Variants in CSMD3 observed in about 807,000 individuals in gnomAD.
CSMD3 encodes the protein CUB and sushi domain-containing protein 3.
Under a neutral mutation model 435.2 loss-of-function variants are expected in CSMD3, and 177 were observed. The observed-to-expected ratio is 0.41, with a 90% CI of 0.36 to 0.46. CSMD3 has a LOEUF of 0.46. Ranked by LOEUF, CSMD3 falls within the 20% of genes least tolerant of loss-of-function variation. The pLI, the probability that CSMD3 is intolerant of heterozygous loss-of-function variation, is 0.34. For synonymous variants in CSMD3, 1,656 were observed against 1,520.5 expected (o/e 1.09, Z -2.07); for missense variants, 4,265 against 4,504.6 (o/e 0.95, Z 1.52).
chr8:112,422,122 A>G (rs891148975), intron 32 of CSMD3, among the ~76,000 whole-genome samples: 2 of 152,156 alleles, frequency 1.3e-5, no homozygotes, highest in Non-Finnish European at 2.9e-5. Flanking sequence ...ATTAAAAACT[A>G]CTGAGAAAAC....
At chr8:113,330,170 A>G (rs2094016709) in intron 1 of CSMD3, among the ~76,000 whole-genome samples, 1 of 152,114 alleles carries the variant, frequency 6.6e-6, no homozygotes, top group South Asian at 2.1e-4. Context: ...AAATGCTACT[A>G]TAAAAATGAG....
chr8:112,650,426 A>G lies in CSMD3; in HGVS notation c.3005-77T>C, dbSNP rs553720737. ...TGCTGAAAATAATTCCTAGTTCTTC[A>G]AACAATTACAAGCAATGATTTTTAC... On this transcript the variant is annotated intron_variant, in intron 18 of 70. Coordinates refer to ENST00000297405, the MANE Select transcript of CSMD3 (RefSeq NM_198123.2). 67 of 1,106,802 alleles carry G rather than the reference A, an allele frequency of 6.1e-5. 3 individuals carry two copies. The South Asian group carries it at 8.0e-4, about 13-fold the overall frequency. 68.6% of individuals were successfully genotyped at this position (1,106,802 alleles called of 1,614,324 possible).
chr8:112,351,160 A>G lies in CSMD3; in HGVS notation c.6325+15T>C. The G allele has an allele frequency of 6.9e-7, 1 of 1,457,238 alleles. No individual in the cohort carries two copies. The highest frequency in any genetic ancestry group is 1.1e-5 in the South Asian group (1 of 87,794). 90.3% of individuals were successfully genotyped at this position (1,457,238 alleles called of 1,614,324 possible). A position where few individuals can be genotyped will look rare whatever the true frequency, so the allele number is the denominator to read the frequency against. On this transcript the variant is annotated intron_variant, in intron 40 of 70. Transcript: ENST00000297405. Reference sequence around the variant, plus strand: ...TTAAGTTCTAGGGTAAATACTTTATAGTCTTTTAACTTACCTAAACAAATT... The same window carrying G: ...TTAAGTTCTAGGGTAAATACTTTATGGTCTTTTAACTTACCTAAACAAATT...
At chr8:112,283,845 G>A (rs1283581944) in intron 58 of CSMD3, among the ~76,000 whole-genome samples, 1 of 151,728 alleles carries the variant, frequency 6.6e-6, no homozygotes, top group Non-Finnish European at 1.5e-5. Flanking sequence ...TAGGGTGACT[G>A]TAATTAACAA....
intron 22 of CSMD3, among the ~76,000 whole-genome samples, chr8:112,591,969 A>G (rs1444283679): frequency 2.0e-5 from 3 of 152,068 alleles, no homozygotes; most frequent in South Asian, 2.1e-4. Context: ...CCAATACACT[A>G]TAATAGTCAT....
intron 41 of CSMD3, among the ~76,000 whole-genome samples, chr8:112,343,558 T>A (rs1450982246): frequency 1.3e-5 from 2 of 152,188 alleles, no homozygotes; most frequent in Non-Finnish European, 2.9e-5. Flanking sequence ...TTTCTACTTG[T>A]TACCTTGTTT....
chr8:112,514,534 T>C (rs1823474943), intron 28 of CSMD3, among the ~76,000 whole-genome samples: 1 of 152,282 alleles, frequency 6.6e-6, no homozygotes, highest in African/African-American at 2.4e-5. Context: ...TTCAATTTTA[T>C]TTGTGTCTTC....
At chr8:112,845,895 A>T (rs1260140402) in intron 11 of CSMD3, among the ~76,000 whole-genome samples, 2 of 152,076 alleles carry the variant, frequency 1.3e-5, no homozygotes, top group East Asian at 3.9e-4. Context: ...AAATGTTTGA[A>T]TTATTAATAT....
chr8:112,644,960 C>T (rs911834493), intron 20 of CSMD3, 149 bp downstream of exon 20: 5 of 663,472 alleles, frequency 7.5e-6, no homozygotes, highest in African/African-American at 7.2e-5. Context: ...ATTTTTGTGG[C>T]AATTATTTAA....
intron 32 of CSMD3, among the ~76,000 whole-genome samples, chr8:112,460,249 T>C (rs1446503048): frequency 2.0e-5 from 3 of 152,070 alleles, no homozygotes; most frequent in Non-Finnish European, 4.4e-5. Context: ...AATAAATAAT[T>C]GAGCAAATTA....
intron 8 of CSMD3, among the ~76,000 whole-genome samples, chr8:112,951,806 T>C (rs2083822671): frequency 6.6e-6 from 1 of 151,656 alleles, no homozygotes; most frequent in South Asian, 2.1e-4. Context: ...CAATCATTTA[T>C]GGCAGGCTCA....
chr8:113,269,457 G>T lies in CSMD3; in HGVS notation c.514+9135C>A, dbSNP rs927476959. Among the ~76,000 whole-genome samples, 10 of 151,956 alleles carry T rather than the reference G, an allele frequency of 6.6e-5. 1 individual carries two copies. In the South Asian group the frequency reaches 1.9e-3, roughly 28 times the overall value. Reference sequence around the variant, plus strand: ...CTTTCTTCACAGAATTGGAAAAAACGACATTACAGTTCATATGGAACCAAA... The same window carrying T: ...CTTTCTTCACAGAATTGGAAAAAACTACATTACAGTTCATATGGAACCAAA... On this transcript the variant is annotated intron_variant, in intron 3 of 70. Transcript: ENST00000297405.
intron 9 of CSMD3, among the ~76,000 whole-genome samples, chr8:112,928,634 T>C (rs1392990283): frequency 6.6e-6 from 1 of 150,462 alleles, no homozygotes; most frequent in Non-Finnish European, 1.5e-5. Flanking sequence ...TTTTTATGGC[T>C]GCATAGTATT....
intron 4 of CSMD3, among the ~76,000 whole-genome samples, chr8:113,145,435 C>A (rs1471014582): frequency 6.6e-6 from 1 of 151,564 alleles, no homozygotes; most frequent in Non-Finnish European, 1.5e-5. Flanking sequence ...GGCCTATTTT[C>A]AACTGTCACA....
chr8:113,368,831 T>C (rs1439654908), intron 1 of CSMD3, among the ~76,000 whole-genome samples: 1 of 152,110 alleles, frequency 6.6e-6, no homozygotes, highest in Non-Finnish European at 1.5e-5. Flanking sequence ...ACTTTTATTA[T>C]CCCTTAATCT....
chr8:113,279,949 T>C (rs1053518991), intron 2 of CSMD3, among the ~76,000 whole-genome samples: 2 of 152,006 alleles, frequency 1.3e-5, no homozygotes, highest in African/African-American at 2.4e-5. Context: ...TTTAATTCTA[T>C]TTATGTGGTG....
chr8:113,098,342 T>C (rs762376872), intron 5 of CSMD3, among the ~76,000 whole-genome samples: 5 of 152,068 alleles, frequency 3.3e-5, no homozygotes, highest in Non-Finnish European at 7.4e-5. Flanking sequence ...CATTAGACCA[T>C]ACCTTGAGTT....
At chr8:112,460,566 T>G (rs1586398628) in intron 32 of CSMD3, among the ~76,000 whole-genome samples, 1 of 152,208 alleles carries the variant, frequency 6.6e-6, no homozygotes, top group Non-Finnish European at 1.5e-5. Flanking sequence ...CCATCCCATA[T>G]GATCTCTGTC....
At chr8:112,823,193 A>C (rs1439863148) in intron 12 of CSMD3, among the ~76,000 whole-genome samples, 1 of 152,208 alleles carries the variant, frequency 6.6e-6, no homozygotes, top group Non-Finnish European at 1.5e-5. Context: ...TCCCTGGAAT[A>C]GTTTCAGAAG....
Sources: allele counts gnomAD v4.1 joint callset (sites outside exome capture counted in the v4.1 genomes callset), GRCh38; gene constraint gnomAD v4.1.1; transcripts MANE v1.5; gene names NCBI Gene and HGNC (gene_info 2026-07-23, HGNC 2026-07-21).